The following UBAC2 variants were observed in gnomAD, a reference collection of about 807,000 sequenced individuals.
UBAC2 encodes ubiquitin-associated domain-containing protein 2.
Under a neutral mutation model 44.0 loss-of-function variants are expected in UBAC2, and 26 were observed. The observed-to-expected ratio is 0.59, with a 90% confidence interval of 0.43 to 0.82. The LOEUF (loss-of-function observed/expected upper bound fraction) is 0.82, where lower values mean the gene tolerates loss of function less well. Among genes scored for constraint, UBAC2 ranks in the 40% least tolerant of loss-of-function variants. UBAC2 has a pLI of 0.00. For missense variants in UBAC2, 329 were observed against 419.4 expected (o/e 0.78, Z 1.88); for synonymous variants, 155 against 154.3 (o/e 1.00, Z -0.04).
intron 4 of UBAC2, among the ~76,000 whole-genome samples, chr13:99,259,632 T>C (rs529679056): frequency 2.4e-4 from 36 of 152,368 alleles, no homozygotes; most frequent in African/African-American, 8.7e-4. Context: ...GGACTTCTTA[T>C]GGCTGAATCA....
chr13:99,372,279 A>G (rs936712939), intron 8 of UBAC2: 3 of 152,284 alleles, frequency 2.0e-5, no homozygotes, highest in Non-Finnish European at 4.4e-5. Flanking sequence ...GTTCCTATCA[A>G]TTTCACAGAA....
intron 6 of UBAC2, among the ~76,000 whole-genome samples, chr13:99,325,273 T>C (rs1782778714): frequency 2.0e-5 from 3 of 151,982 alleles, no homozygotes; most frequent in African/African-American, 7.2e-5. Flanking sequence ...CAGCTAATTT[T>C]TTTGTGTTTT....
chr13:99,326,571 A>G (rs934430378), intron 6 of UBAC2, among the ~76,000 whole-genome samples: 1 of 152,228 alleles, frequency 6.6e-6, no homozygotes, highest in Non-Finnish European at 1.5e-5. Flanking sequence ...ATTATACTAC[A>G]TGATTGTCAG....
intron 4 of UBAC2, among the ~76,000 whole-genome samples, chr13:99,264,879 T>C (rs1282766346): frequency 6.6e-6 from 1 of 152,080 alleles, no homozygotes; most frequent in African/African-American, 2.4e-5. Flanking sequence ...AAACCAAGAA[T>C]GTGTCTGCTG....
chr13:99,301,267 C>T (rs1175478136), intron 4 of UBAC2, among the ~76,000 whole-genome samples: 7 of 152,232 alleles, frequency 4.6e-5, no homozygotes, highest in Non-Finnish European at 1.0e-4. Context: ...CAGGTTCCAC[C>T]TGTGGAACAG....
intron 4 of UBAC2, among the ~76,000 whole-genome samples, chr13:99,251,610 A>G (rs2043459060): frequency 6.6e-6 from 1 of 152,200 alleles, no homozygotes; most frequent in African/African-American, 2.4e-5. Context: ...TAACCACACT[A>G]GTTCTTTTAA....
chr13:99,374,690 T>C (rs2045456994), intron 8 of UBAC2, among the ~76,000 whole-genome samples: 1 of 152,232 alleles, frequency 6.6e-6, no homozygotes, highest in Admixed American at 6.5e-5. Context: ...AGCAGGGCTC[T>C]AATATTTATT....
At chr13:99,333,098 G>T (rs79101016) in intron 6 of UBAC2, among the ~76,000 whole-genome samples, 5 of 152,004 alleles carry the variant, frequency 3.3e-5, no homozygotes, top group Admixed American at 2.0e-4. Flanking sequence ...CCCGTCTCTG[G>T]GGGGGGAAGA....
intron 4 of UBAC2, among the ~76,000 whole-genome samples, chr13:99,297,347 C>G (rs1419975714): frequency 2.0e-5 from 3 of 152,106 alleles, no homozygotes; most frequent in Non-Finnish European, 2.9e-5. Context: ...TTAAGGGGCA[C>G]TTTCAGCATA....
rs2045350455 is a variant in UBAC2 at position 99,367,796 on chromosome 13, A to G, written c.817A>G (p.Ile273Val). 6.2e-7 allele frequency: 1 copy of G among 1,610,906 alleles called. No homozygotes were observed. Among genetic ancestry groups the G allele is most frequent in the African/African-American group, 1.4e-5 (1 of 73,970 alleles). ...GTTGATCTCTTTTTAGGGAGGAATGATCAATTGGAATCGTCTTTTTCCTCC... is the reference window on the plus strand; with the variant it reads ...GTTGATCTCTTTTTAGGGAGGAATGGTCAATTGGAATCGTCTTTTTCCTCC... ...RRQRQQQGGM[I>V]NWNRLFPPLR... Residue 273 changes from isoleucine to valine, a missense_variant, in exon 8 of 9, where the codon ATC (isoleucine) becomes GTC (valine). Transcript: ENST00000403766.
At chr13:99,206,454 C>T (rs889525737) in intron 1 of UBAC2, among the ~76,000 whole-genome samples, 1 of 152,224 alleles carries the variant, frequency 6.6e-6, no homozygotes, top group East Asian at 1.9e-4. Context: ...TCACGCGTCC[C>T]GCAGCCGCTT....
chr13:99,233,136 G>C lies in UBAC2; in HGVS notation c.32-5291G>C, dbSNP rs193021994. ...GTTTCTTTTTTTTTTTTTCTGAGACGAAGTCTTACTCTGTTGCCCCAGCTG... is the reference window on the plus strand; with the variant it reads ...GTTTCTTTTTTTTTTTTTCTGAGACCAAGTCTTACTCTGTTGCCCCAGCTG... On this transcript the variant is annotated intron_variant, in intron 1 of 8. Transcript: ENST00000403766. Among the ~76,000 whole-genome samples the C allele has an allele frequency of 3.4e-5, 5 of 149,246 alleles. 1 individual carries two copies. Among genetic ancestry groups the C allele is most frequent in the Admixed American group, 3.3e-4 (5 of 14,980 alleles).
At chr13:99,273,518 G>A (rs1417652234) in intron 4 of UBAC2, among the ~76,000 whole-genome samples, 1 of 152,152 alleles carries the variant, frequency 6.6e-6, no homozygotes, top group Non-Finnish European at 1.5e-5. Context: ...CTGGGGGAAA[G>A]GAAAGATGTA....
chr13:99,300,972 T>G (rs192019699), intron 4 of UBAC2, among the ~76,000 whole-genome samples: 9 of 150,478 alleles, frequency 6.0e-5, no homozygotes, highest in African/African-American at 2.2e-4. Flanking sequence ...TTCTGACATG[T>G]TATTTAAGAT....
At chr13:99,240,321 A>C (rs1267876665) in intron 2 of UBAC2, among the ~76,000 whole-genome samples, 1 of 152,194 alleles carries the variant, frequency 6.6e-6, no homozygotes, top group Non-Finnish European at 1.5e-5. Flanking sequence ...TGTGTCCTTG[A>C]GTATGATTGC....
chr13:99,266,383 A>C (rs2043744270), intron 4 of UBAC2, among the ~76,000 whole-genome samples: 1 of 152,078 alleles, frequency 6.6e-6, no homozygotes, highest in African/African-American at 2.4e-5. Context: ...ATCATGGAAA[A>C]AACTCATAAT....
At chr13:99,378,516 G>T (rs2045510556) in intron 8 of UBAC2, among the ~76,000 whole-genome samples, 1 of 152,194 alleles carries the variant, frequency 6.6e-6, no homozygotes, top group South Asian at 2.1e-4. Context: ...GACTGAGCAA[G>T]ACTCTGTCTC....
chr13:99,315,186 C>G (rs2044471883), intron 5 of UBAC2, among the ~76,000 whole-genome samples: 1 of 152,132 alleles, frequency 6.6e-6, no homozygotes, highest in South Asian at 2.1e-4. Context: ...TCTCTCAACC[C>G]CCGTACCGTT....
intron 4 of UBAC2, among the ~76,000 whole-genome samples, chr13:99,248,027 C>A (rs2043410032): frequency 6.6e-6 from 1 of 152,116 alleles, no homozygotes; most frequent in African/African-American, 2.4e-5. Flanking sequence ...CACCTGCTCT[C>A]TTGAGTCCCA....
Sources: allele counts gnomAD v4.1 joint callset (sites outside exome capture counted in the v4.1 genomes callset), GRCh38; gene constraint gnomAD v4.1.1; transcripts MANE v1.5; gene names NCBI Gene and HGNC (gene_info 2026-07-23, HGNC 2026-07-21).